Variants in ARID1B observed in about 807,000 individuals in gnomAD.
The protein encoded by ARID1B is AT-rich interaction domain 1B, also known as AT-rich interactive domain-containing protein 1B.
ARID1B carries 30 observed loss-of-function variants against 212.3 expected under a neutral mutation model. The ratio of observed to expected loss-of-function variants is 0.14; its 90% CI spans 0.11 to 0.19. ARID1B has a LOEUF of 0.19. Among genes scored for constraint, ARID1B ranks in the 10% least tolerant of loss-of-function variants. The pLI is 1.00. For synonymous variants in ARID1B, 1,402 were observed against 1,301.7 expected, an observed-to-expected ratio of 1.08 and a Z score of -1.66; for missense variants, 2,891 against 3,204.0, an observed-to-expected ratio of 0.90 and a Z score of 2.36.
chr6:156,897,218 G>GCTGCTGCTGCTGCTGCTGCTGCTTCTT, intron 2 of ARID1B, among the ~76,000 whole-genome samples: 1 of 91,376 alleles, frequency 1.1e-5, no homozygotes, highest in Non-Finnish European at 2.2e-5. Flanking sequence ...TGCTGCTGCT[G>GCTGCTGCTGCTGCTGCTGCTGCTTCTT]CTTCTTCTTC....
chr6:156,869,031 A>T (rs1044908010), intron 2 of ARID1B, among the ~76,000 whole-genome samples: 57 of 151,372 alleles, frequency 3.8e-4, no homozygotes, highest in Admixed American at 1.9e-3. Flanking sequence ...TTTCTGATTT[A>T]AAAAAAAATG....
rs1778985008 is a variant in ARID1B, at chr6:156,779,205, C to T, written c.1525C>T (p.Pro509Ser). 7.5e-7 allele frequency: 1 copy of T among 1,329,860 alleles called. No homozygotes were observed. Among genetic ancestry groups the T allele is most frequent in the Non-Finnish European group, 9.7e-7 (1 of 1,031,618 alleles). 82.4% of individuals were successfully genotyped at this position (1,329,860 alleles called of 1,614,324 possible). ...TPTLNQLLTS[P>S]SPMMRSYGGS... is the part of the protein sequence containing the mutation. ...GACCCTCAATCAGCTGCTCACCTCG[C>T]CCAGCCCCATGATGCGGAGCTACGG... The change falls in exon 1 of 20, where the codon CCC becomes TCC. Residue 509 changes from proline (P) to serine (S), a missense_variant. This residue lies in a region of ARID1B where 1,643 missense variants were observed against 1,544.0 expected (regional missense o/e 1.06). Coordinates refer to ENST00000636930, the MANE Select transcript of ARID1B (RefSeq NM_001374828.1).
At position 156,906,810 on chromosome 6, in the gene ARID1B, C is replaced by T. The variant is rs567293934; in HGVS notation, c.2136+5285C>T. On this transcript the variant is annotated intron_variant, in intron 3 of 19. Coordinates refer to ENST00000636930, the MANE Select transcript of ARID1B (RefSeq NM_001374828.1). The stretch of plus-strand genomic sequence containing the variant: ...CATTTGTTGAGGTACTTTTCAGTTT[C>T]TTTTATAACATTCTTCAAAAAGAGC... Among the ~76,000 whole-genome samples the T allele has an allele frequency of 3.3e-5, 5 of 152,226 alleles. No individual in the cohort carries two copies. In the East Asian group the frequency reaches 9.6e-4, roughly 29 times the overall value.
chr6:156,949,178 T>TCCC (rs1793391665), intron 4 of ARID1B, among the ~76,000 whole-genome samples: 3 of 152,210 alleles, frequency 2.0e-5, no homozygotes, highest in Admixed American at 1.3e-4. Context: ...GAGGATTTTA[T>TCCC]TATTTTTACT....
chr6:157,148,513 G>C lies in ARID1B; in HGVS notation c.2762-111G>C. The C allele has an allele frequency of 8.3e-7, 1 of 1,207,194 alleles. No homozygotes were observed. Among genetic ancestry groups the C allele is most frequent in the South Asian group, 1.5e-5 (1 of 67,706 alleles). The allele number at this position is 1,207,194 out of a possible 1,614,324, so 74.8% of individuals were successfully genotyped here. A position where few individuals can be genotyped will look rare whatever the true frequency, so the allele number is the denominator to read the frequency against. On this transcript the variant is annotated intron_variant, in intron 7 of 19. Transcript: ENST00000636930. This position sits in a 1 kb window ranked among gnomAD's most constrained non-coding sequence, Gnocchi z 5.6. The stretch of plus-strand genomic sequence containing the variant: ...AGCAGCAACAGGAAGGGCCTATAAC[G>C]GTCATGACTAATACTCCGTGCTGAT...
chr6:156,855,868 T>G (rs1367828724), intron 2 of ARID1B, among the ~76,000 whole-genome samples: 9 of 152,238 alleles, frequency 5.9e-5, no homozygotes, highest in African/African-American at 1.9e-4. Flanking sequence ...TCAGGGATGC[T>G]ATCATACTTT....
At chr6:157,117,130 C>T (rs558361528) in intron 6 of ARID1B, among the ~76,000 whole-genome samples, 1 of 152,182 alleles carries the variant, frequency 6.6e-6, no homozygotes, top group South Asian at 2.1e-4. Flanking sequence ...GTGCCATTAC[C>T]CAGCAAAGTG....
At chr6:157,063,788 A>G (rs540797582) in intron 4 of ARID1B, among the ~76,000 whole-genome samples, 32 of 152,294 alleles carry the variant, frequency 2.1e-4, no homozygotes, top group African/African-American at 7.0e-4. Flanking sequence ...TTAGTTTTTC[A>G]TGACTTATCA....
At chr6:156,810,134 C>T (rs1484071128) in intron 1 of ARID1B, among the ~76,000 whole-genome samples, 1 of 152,170 alleles carries the variant, frequency 6.6e-6, no homozygotes, top group Non-Finnish European at 1.5e-5. Flanking sequence ...TACACATGTA[C>T]TATTAAATAG....
intron 10 of ARID1B, chr6:157,174,414 C>T (rs773227706): frequency 1.1e-5 from 3 of 263,766 alleles, no homozygotes; most frequent in South Asian, 1.1e-4. Flanking sequence ...TGCCTGGTTT[C>T]GGTACTTGCA....
intron 4 of ARID1B, among the ~76,000 whole-genome samples, chr6:157,060,656 T>TTAC (rs398003170): frequency 7.3e-6 from 1 of 136,632 alleles, no homozygotes; most frequent in Non-Finnish European, 1.6e-5. Context: ...TTTTTTTTTT[T>TTAC]ACTATTCTTT....
chr6:156,881,121 C>T (rs1365808166), intron 2 of ARID1B, among the ~76,000 whole-genome samples: 1 of 152,114 alleles, frequency 6.6e-6, no homozygotes, highest in Admixed American at 6.5e-5. Flanking sequence ...TGAGTTGGCT[C>T]AAGTTAGGTC....
At chr6:157,165,450 G>T (rs1340929039) in intron 8 of ARID1B, among the ~76,000 whole-genome samples, 2 of 152,104 alleles carry the variant, frequency 1.3e-5, no homozygotes, top group African/African-American at 4.8e-5. Flanking sequence ...ACCAGTTATG[G>T]CTTTGATAGC....
intron 1 of ARID1B, among the ~76,000 whole-genome samples, chr6:156,817,167 C>T (rs752582032): frequency 4.9e-4 from 73 of 149,984 alleles, no homozygotes; most frequent in African/African-American, 1.7e-3. Context: ...GGTGGATCAC[C>T]TGAGGTCAAG....
At chr6:156,924,374 A>C (rs1280884133) in intron 3 of ARID1B, among the ~76,000 whole-genome samples, 1 of 152,208 alleles carries the variant, frequency 6.6e-6, no homozygotes, top group Non-Finnish European at 1.5e-5. Context: ...CTTTTCACTT[A>C]AAGGAAGTAG....
chr6:156,807,048 C>G (rs138233241), intron 1 of ARID1B, among the ~76,000 whole-genome samples: 1 of 152,290 alleles, frequency 6.6e-6, no homozygotes, highest in African/African-American at 2.4e-5. Flanking sequence ...AAAAACCAAG[C>G]GGTGGACCAG....
At chr6:156,888,271 G>C (rs937313550) in intron 2 of ARID1B, among the ~76,000 whole-genome samples, 1 of 152,204 alleles carries the variant, frequency 6.6e-6, no homozygotes, top group Non-Finnish European at 1.5e-5. Context: ...AAGCTCCTCT[G>C]TAATTCCCAT....
chr6:157,135,544 T>C (rs1788848308), intron 7 of ARID1B, among the ~76,000 whole-genome samples: 1 of 152,084 alleles, frequency 6.6e-6, no homozygotes, highest in Non-Finnish European at 1.5e-5. Context: ...GCCACCTTGT[T>C]CCCCTCCAAG....
chr6:156,837,359 CAAG>C, intron 2 of ARID1B, among the ~76,000 whole-genome samples: 1 of 152,130 alleles, frequency 6.6e-6, no homozygotes, highest in African/African-American at 2.4e-5. Flanking sequence ...GTTCTGAAAA[CAAG>C]TATATATTGA....
Sources: allele counts gnomAD v4.1 joint callset (sites outside exome capture counted in the v4.1 genomes callset), GRCh38; gene constraint gnomAD v4.1.1; regional missense constraint gnomAD v4.1.1; non-coding constraint Gnocchi (gnomAD v3.1); transcripts MANE v1.5; gene names NCBI Gene and HGNC (gene_info 2026-07-23, HGNC 2026-07-21).